Variants in SEMA3C observed in about 807,000 individuals in gnomAD.
SEMA3C encodes semaphorin 3C.
A neutral mutation model predicts 89.4 loss-of-function variants in SEMA3C; 47 were observed. That is an observed-to-expected ratio of 0.53 (90% CI 0.42 to 0.67). The LOEUF is 0.67. Among genes scored for constraint, SEMA3C ranks in the 30% least tolerant of loss-of-function variants. The pLI is 0.00. For missense variants in SEMA3C, 839 were observed against 929.1 expected (o/e 0.90, Z 1.26); for synonymous variants, 310 against 320.2 (o/e 0.97, Z 0.34).
chr7:80,833,754 T>G (rs2115840537), intron 2 of SEMA3C, among the ~76,000 whole-genome samples: 1 of 152,096 alleles, frequency 6.6e-6, no homozygotes, highest in South Asian at 2.1e-4. Context: ...CTATACGACT[T>G]GGGGAGAGAA....
At chr7:80,908,061 TACTC>T (rs1246289974) in intron 2 of SEMA3C, among the ~76,000 whole-genome samples, 8 of 152,266 alleles carry the variant, frequency 5.3e-5, no homozygotes, top group East Asian at 3.9e-4. Flanking sequence ...ACTTTGCTAC[TACTC>T]ACTAATTCCA....
chr7:80,864,396 T>C (rs571585261), intron 2 of SEMA3C, among the ~76,000 whole-genome samples: 3 of 151,694 alleles, frequency 2.0e-5, no homozygotes, highest in Non-Finnish European at 4.4e-5. Context: ...TATGAAAAAA[T>C]AAAAAATATA....
chr7:80,911,045 G>A lies in SEMA3C; in HGVS notation c.103+5634C>T, dbSNP rs571135670. ...AGCAACAAAATAAACATGTTCCAGA[G>A]AGGTAATTCCCCTCATCTTCACCTT... On this transcript the variant is annotated intron_variant, in intron 2 of 17. Coordinates refer to ENST00000265361, the MANE Select transcript of SEMA3C (RefSeq NM_006379.5). Among the ~76,000 whole-genome samples the A allele has an allele frequency of 1.2e-4, 18 of 152,158 alleles. No homozygotes were observed. In the South Asian group the frequency reaches 3.1e-3, roughly 26 times the overall value.
At chr7:80,775,502 T>TA (rs1296566675) in intron 12 of SEMA3C, among the ~76,000 whole-genome samples, 2 of 152,168 alleles carry the variant, frequency 1.3e-5, no homozygotes, top group African/African-American at 4.8e-5. Flanking sequence ...CTAATCCCTG[T>TA]ATTAAGTAGG....
intron 17 of SEMA3C, among the ~76,000 whole-genome samples, chr7:80,745,600 A>G (rs1471425870): frequency 6.6e-6 from 1 of 152,072 alleles, no homozygotes; most frequent in Non-Finnish European, 1.5e-5. Flanking sequence ...ATGTTTCTCC[A>G]TATATAAGCA....
intron 2 of SEMA3C, among the ~76,000 whole-genome samples, chr7:80,888,648 T>G (rs1226160503): frequency 6.6e-6 from 1 of 152,086 alleles, no homozygotes; most frequent in Non-Finnish European, 1.5e-5. Context: ...AGTGTCTGAA[T>G]TTTCATTTAT....
chr7:80,815,554 C>CAAAAAAAAAAAAAAAAAAAAA lies in SEMA3C; in HGVS notation c.447+2744_447+2745insTTTTTTTTTTTTTTTTTTTTT, dbSNP rs761990267. Reference sequence around the variant, plus strand: ...AAACCCAATCCTTTCTTTAAATGGGCAAAAAAAAAAAAAAAAAAAGTAAAT... The same window carrying CAAAAAAAAAAAAAAAAAAAAA: ...AAACCCAATCCTTTCTTTAAATGGGCAAAAAAAAAAAAAAAAAAAAAAAAAAAAAAAAAAAAAAAAGTAAAT... On this transcript the variant is annotated intron_variant, in intron 5 of 17. Coordinates refer to ENST00000265361, the MANE Select transcript of SEMA3C (RefSeq NM_006379.5). Among the ~76,000 whole-genome samples the CAAAAAAAAAAAAAAAAAAAAA allele has an allele frequency of 6.8e-4, 40 of 58,836 alleles. 3 individuals carry two copies. Among genetic ancestry groups the CAAAAAAAAAAAAAAAAAAAAA allele is most frequent in the East Asian group, 2.2e-3 (3 of 1,356 alleles). 38.6% of individuals were successfully genotyped at this position (58,836 alleles called of 152,430 possible). A position where few individuals can be genotyped will look rare whatever the true frequency, so the allele number is the denominator to read the frequency against.
intron 2 of SEMA3C, among the ~76,000 whole-genome samples, chr7:80,906,968 G>A (rs183844681): frequency 1.6e-3 from 249 of 152,034 alleles, no homozygotes; most frequent in African/African-American, 5.7e-3. Flanking sequence ...ATAACCAAAG[G>A]TTATAATACT....
intron 2 of SEMA3C, among the ~76,000 whole-genome samples, chr7:80,874,797 G>T (rs1791160934): frequency 6.6e-6 from 1 of 151,934 alleles, no homozygotes; most frequent in South Asian, 2.1e-4. Context: ...TTCTCTCTTA[G>T]TTTCTTCATC....
chr7:80,873,489 A>G (rs561953134), intron 2 of SEMA3C, among the ~76,000 whole-genome samples: 1 of 152,308 alleles, frequency 6.6e-6, no homozygotes, highest in Non-Finnish European at 1.5e-5. Flanking sequence ...GATTCTCTTA[A>G]ACGAATCAAA....
chr7:80,917,748 T>C (rs1405707874), intron 1 of SEMA3C, among the ~76,000 whole-genome samples: 1 of 152,206 alleles, frequency 6.6e-6, no homozygotes, highest in Non-Finnish European at 1.5e-5. Context: ...CTACCATAAT[T>C]ACACAATAAA....
At position 80,763,757 on chromosome 7, in the gene SEMA3C, GTAT is replaced by G. The variant is rs1354189486; in HGVS notation, c.1443+1395_1443+1397del. Reference sequence around the variant, plus strand: ...AGAATACTCCAGAATAAGGCACTTCGTATTATTTTAGCAAGCCAAGTTCTCCCT... The same window carrying G: ...AGAATACTCCAGAATAAGGCACTTCGTATTTTAGCAAGCCAAGTTCTCCCT... On this transcript the variant is annotated intron_variant, in intron 13 of 17. Coordinates refer to ENST00000265361, the MANE Select transcript of SEMA3C (RefSeq NM_006379.5). Among the ~76,000 whole-genome samples, 11 of 152,154 alleles carry G rather than the reference GTAT, an allele frequency of 7.2e-5. No individual in the cohort carries two copies. In the East Asian group the frequency reaches 1.5e-3, roughly 21 times the overall value.
intron 2 of SEMA3C, among the ~76,000 whole-genome samples, chr7:80,859,571 A>AT (rs1790723357): frequency 6.6e-6 from 1 of 152,218 alleles, no homozygotes; most frequent in Non-Finnish European, 1.5e-5. Flanking sequence ...ACTGAATTCC[A>AT]TATGTTGAAA....
upstream of SEMA3C, chr7:80,922,195 G>T (rs1433023369): frequency 1.7e-6 from 2 of 1,211,516 alleles, no homozygotes; most frequent in Non-Finnish European, 2.2e-6. Context: ...TATCAGAATA[G>T]GAAGAGAAAC....
At chr7:80,825,673 G>A (rs773260408) in intron 4 of SEMA3C, among the ~76,000 whole-genome samples, 3 of 152,236 alleles carry the variant, frequency 2.0e-5, no homozygotes, top group Non-Finnish European at 4.4e-5. Flanking sequence ...CAGTTCATAT[G>A]AATGAGAAAT....
chr7:80,846,832 T>C (rs763342291), intron 2 of SEMA3C, among the ~76,000 whole-genome samples: 1 of 152,206 alleles, frequency 6.6e-6, no homozygotes. Flanking sequence ...TCATATCTTA[T>C]ACATAAAGAA....
At chr7:80,886,259 G>A (rs1791474011) in intron 2 of SEMA3C, among the ~76,000 whole-genome samples, 2 of 151,036 alleles carry the variant, frequency 1.3e-5, no homozygotes, top group East Asian at 1.9e-4. Flanking sequence ...ACATGGTATT[G>A]GTATAATAAA....
intron 13 of SEMA3C, among the ~76,000 whole-genome samples, chr7:80,763,345 C>G (rs1223767339): frequency 6.6e-6 from 1 of 152,144 alleles, no homozygotes; most frequent in Non-Finnish European, 1.5e-5. Context: ...TACCTCACCT[C>G]AGAAATGTGA....
intron 2 of SEMA3C, among the ~76,000 whole-genome samples, chr7:80,845,670 A>G (rs1190888207): frequency 6.6e-6 from 1 of 152,142 alleles, no homozygotes; most frequent in Non-Finnish European, 1.5e-5. Flanking sequence ...TCTGATGGAA[A>G]ATGGCATGAG....
Sources: gnomAD v4.1 joint callset for allele counts (sites outside exome capture counted in the v4.1 genomes callset) on GRCh38, gnomAD v4.1.1 for gene constraint, MANE v1.5 for transcripts, NCBI Gene and HGNC (gene_info 2026-07-23, HGNC 2026-07-21) for gene names.